BIN2: variants seen among roughly 807,000 people sequenced by gnomAD.
The protein encoded by BIN2 is breast cancer associated protein BRAP1.
A neutral mutation model predicts 67.9 loss-of-function variants in BIN2; 43 were observed. That is an observed-to-expected ratio of 0.63 (90% CI 0.50 to 0.82). The LOEUF is 0.82. BIN2 is among the 40% of genes least tolerant of loss of function. BIN2 has a pLI of 0.00. For synonymous variants in BIN2, 244 were observed against 246.8 expected (o/e 0.99, Z 0.11); for missense variants, 581 against 671.6 (o/e 0.87, Z 1.49).
intron 7 of BIN2, chr12:51,297,403 T>C (rs1419964539): frequency 4.5e-6 from 1 of 220,704 alleles, no homozygotes; most frequent in East Asian, 1.0e-4. Flanking sequence ...CCGTCTCTAC[T>C]AAAAAAAAAA....
chr12:51,297,028 G>T, intron 8 of BIN2, 61 bp downstream of exon 8: 1 of 1,451,304 alleles, frequency 6.9e-7, no homozygotes, highest in Non-Finnish European at 9.6e-7. Context: ...GTAAGTCAAG[G>T]CTACCTTCAT....
intron 8 of BIN2, 79 bp from the exon 9 acceptor site, chr12:51,295,957 G>T: frequency 8.9e-7 from 1 of 1,125,112 alleles, no homozygotes; most frequent in Non-Finnish European, 1.3e-6. Flanking sequence ...CTCCCCTTCA[G>T]ACAGCTTCCC....
At chr12:51,295,271 G>C (rs139852449) in intron 9 of BIN2, among the ~76,000 whole-genome samples, 184 of 151,804 alleles carry the variant, frequency 1.2e-3, no homozygotes, top group Non-Finnish European at 2.1e-3. Context: ...AAAAGTGGCC[G>C]GGCGCGGTGG....
intron 10 of BIN2, among the ~76,000 whole-genome samples, chr12:51,289,299 T>C (rs905920192): frequency 1.3e-5 from 2 of 152,082 alleles, no homozygotes; most frequent in African/African-American, 4.8e-5. Context: ...TATATGATAG[T>C]CTTTCCATAT....
intron 11 of BIN2, among the ~76,000 whole-genome samples, chr12:51,287,593 G>A (rs4991750): frequency 0.67 from 101,911 of 151,490 alleles, 37,851 homozygotes; most frequent in Non-Finnish European, 0.85. Context: ...CGCCCACCTC[G>A]GCCTCCCAAA....
In BIN2 at chr12:51,299,306, C is replaced by T; in HGVS notation, c.517-18G>A. 6.2e-7 allele frequency: 1 copy of T among 1,603,592 alleles called. No individual in the cohort carries two copies. The highest frequency in any genetic ancestry group is 1.1e-5 in the South Asian group (1 of 90,842). On this transcript the variant is annotated intron_variant, in intron 6 of 12. Transcript: ENST00000615107. ...TCCTCTGCCTAGGTGGTAAAAGAGA[C>T]AAGACAATCTCCCTCAATTCTGAAC...
chr12:51,303,194 G>A, intron 2 of BIN2, 53 bp from the exon 3 acceptor site: 1 of 1,574,306 alleles, frequency 6.4e-7, no homozygotes, highest in Non-Finnish European at 8.7e-7. Context: ...TTCAAAAGAT[G>A]CTCCAGAGGT....
At chr12:51,316,860 TTAC>T (rs1247852523) in intron 1 of BIN2, among the ~76,000 whole-genome samples, 8 of 152,232 alleles carry the variant, frequency 5.3e-5, no homozygotes, top group East Asian at 3.9e-4. Flanking sequence ...TGTTGTTTTA[TTAC>T]TACTACTACT....
At chr12:51,303,494 T>G (rs1179388001) in intron 2 of BIN2, among the ~76,000 whole-genome samples, 1 of 152,170 alleles carries the variant, frequency 6.6e-6, no homozygotes, top group Non-Finnish European at 1.5e-5. Context: ...GTGCTACCAT[T>G]TTCTGCAGAC....
At chr12:51,289,548 C>G (rs906583373) in intron 10 of BIN2, among the ~76,000 whole-genome samples, 7 of 151,832 alleles carry the variant, frequency 4.6e-5, no homozygotes, top group African/African-American at 1.7e-4. Context: ...CCAGAGAGGT[C>G]AAGGCTGCAG....
At chr12:51,318,419 G>A (rs898454109) in intron 1 of BIN2, among the ~76,000 whole-genome samples, 3 of 152,032 alleles carry the variant, frequency 2.0e-5, no homozygotes, top group Non-Finnish European at 2.9e-5. Flanking sequence ...CCACCACCAC[G>A]CCTGGCGAAT....
chr12:51,301,969 T>C (rs766029271), intron 5 of BIN2, 51 bp downstream of exon 5: 1 of 1,293,274 alleles, frequency 7.7e-7, no homozygotes, highest in East Asian at 2.3e-5. Context: ...ATATGTTCTC[T>C]AACCTGGATG....
intron 9 of BIN2, 117 bp from the exon 10 acceptor site, chr12:51,292,461 G>C: frequency 2.5e-6 from 3 of 1,215,874 alleles, no homozygotes; most frequent in East Asian, 5.0e-5. Context: ...ATGTTAGAAA[G>C]TTTGCATAAT....
At chr12:51,299,814 C>G in intron 5 of BIN2, 100 bp from the exon 6 acceptor site, 2 of 1,034,266 alleles carry the variant, frequency 1.9e-6, no homozygotes, top group Non-Finnish European at 3.0e-6. Context: ...TTGCATCCTA[C>G]TATCAAATTT....
rs757204229 is a variant in BIN2 at position 51,292,094 on chromosome 12, G to A, written c.1012C>T (p.Pro338Ser). ...ASSSEEDEPL[P>S]ACNGPAQAQP... ...GCCTGGGCGGGGCCATTGCAGGCTG[G>A]TAGAGGCTCATCTTCCTCAGAGGAG... Residue 338 changes from proline (P) to serine (S), a missense_variant, in exon 10 of 13, where the codon CCA becomes TCA. By Grantham distance (74) the Pro-to-Ser change is moderately conservative. Coordinates refer to ENST00000615107, the MANE Select transcript of BIN2 (RefSeq NM_016293.4). 8 of 1,614,142 alleles carry A rather than the reference G, an allele frequency of 5.0e-6. No homozygotes were observed. The South Asian group carries it at 7.7e-5, about 16-fold the overall frequency.
intron 8 of BIN2, 91 bp from the exon 9 acceptor site, chr12:51,295,969 A>C (rs1369372760): frequency 2.1e-6 from 2 of 956,894 alleles, no homozygotes; most frequent in Non-Finnish European, 3.3e-6. Flanking sequence ...CAGCTTCCCA[A>C]AATAAAACCT....
At chr12:51,290,059 T>A (rs1024688794) in intron 10 of BIN2, among the ~76,000 whole-genome samples, 1 of 151,786 alleles carries the variant, frequency 6.6e-6, no homozygotes, top group Non-Finnish European at 1.5e-5. Flanking sequence ...GTCCTTTATT[T>A]TTTTGAATTT....
intron 2 of BIN2, among the ~76,000 whole-genome samples, chr12:51,305,199 G>A (rs972740519): frequency 7.9e-5 from 12 of 151,942 alleles, no homozygotes; most frequent in African/African-American, 2.9e-4. Context: ...AGCAGGGTGT[G>A]GCGGCAGGCA....
At position 51,281,438 on chromosome 12, in the gene BIN2, C is replaced by A. The variant is rs1268236915; in HGVS notation, c.*61G>T. On this transcript the variant is annotated 3_prime_UTR_variant, in exon 13 of 13. Coordinates refer to ENST00000615107, the MANE Select transcript of BIN2 (RefSeq NM_016293.4). ...GCTCTTATATCCCTCTGACCTATAC[C>A]CTCTGGTTGAAGAGCTTCTCTGGCG... 1 of 1,541,372 alleles carries A rather than the reference C, an allele frequency of 6.5e-7. No homozygotes were observed. Among genetic ancestry groups the A allele is most frequent in the East Asian group, 2.2e-5 (1 of 44,534 alleles).
Sources: allele counts gnomAD v4.1 joint callset (sites outside exome capture counted in the v4.1 genomes callset), GRCh38; gene constraint gnomAD v4.1.1; transcripts MANE v1.5; gene names NCBI Gene and HGNC (gene_info 2026-07-23, HGNC 2026-07-21).